ZAP70: variants seen among roughly 807,000 people sequenced by gnomAD.
The protein encoded by ZAP70 is zeta chain of T cell receptor associated protein kinase 70.
ZAP70 carries 27 observed loss-of-function variants against 65.8 expected under a neutral mutation model. That is an observed-to-expected ratio of 0.41 (90% CI 0.30 to 0.57). The LOEUF (loss-of-function observed/expected upper bound fraction) is 0.57, where lower values mean the gene tolerates loss of function less well. Ranked by LOEUF, ZAP70 falls within the 20% of genes least tolerant of loss-of-function variation. The pLI is 0.28. For synonymous variants in ZAP70, 363 were observed against 360.8 expected (o/e 1.01, Z -0.07); for missense variants, 696 against 870.5 (o/e 0.80, Z 2.52).
At chr2:97,717,943 A>T (rs1677003746) in intron 2 of ZAP70, among the ~76,000 whole-genome samples, 1 of 152,174 alleles carries the variant, frequency 6.6e-6, no homozygotes, top group African/African-American at 2.4e-5. Flanking sequence ...AGTGTGGGGC[A>T]GGTGCCCCGT....
chr2:97,724,860 C>A, intron 3 of ZAP70: 1 of 1,527,174 alleles, frequency 6.5e-7, no homozygotes, highest in South Asian at 1.2e-5. Flanking sequence ...ATTAGGTCTT[C>A]AAGCTGGAGA....
rs1280845497 is a variant in ZAP70 at position 97,736,974 on chromosome 2, G to A, written c.1290-499G>A. ...GCGGAGCTGACTATTCCTGCCTGGGGGTCCAGGTGAGTGATGCTGCGGCTG... is the reference window on the plus strand; with the variant it reads ...GCGGAGCTGACTATTCCTGCCTGGGAGTCCAGGTGAGTGATGCTGCGGCTG... On this transcript the variant is annotated intron_variant, in intron 10 of 13. Transcript: ENST00000264972. This position sits in a 1 kb window ranked among gnomAD's most constrained non-coding sequence, Gnocchi z 4.0. 6.6e-6 allele frequency among the ~76,000 whole-genome samples: 1 copy of A among 152,118 alleles called. No homozygotes were observed. Among genetic ancestry groups the A allele is most frequent in the East Asian group, 1.9e-4 (1 of 5,190 alleles).
chr2:97,725,589 A>G (rs1677355562), intron 4 of ZAP70, among the ~76,000 whole-genome samples: 2 of 152,212 alleles, frequency 1.3e-5, no homozygotes, highest in African/African-American at 4.8e-5. Context: ...CCTACTGTGT[A>G]CCAGGCACTG....
rs56326640 is a variant in ZAP70 at position 97,739,421 on chromosome 2, G to A, written c.1783G>A (p.Ala595Thr). ...CCTGACCGTGGAGCAGCGCATGCGA[G>A]CCTGTTACTACAGCCTGGCCAGCAA... ...DFLTVEQRMRACYYSLASKVE... is the reference protein window; with the variant it reads ...DFLTVEQRMRTCYYSLASKVE... The change falls in exon 14 of 14, where the codon GCC (alanine) becomes ACC (threonine). Residue 595 changes from alanine (A) to threonine (T), a missense_variant. Coordinates refer to ENST00000264972, the MANE Select transcript of ZAP70 (RefSeq NM_001079.4). 1 of 1,613,804 alleles carries A rather than the reference G, an allele frequency of 6.2e-7. No homozygotes were observed. Among genetic ancestry groups the A allele is most frequent in the Admixed American group, 1.7e-5 (1 of 60,030 alleles).
chr2:97,738,510 G>A, intron 13 of ZAP70: 1 of 296,036 alleles, frequency 3.4e-6, no homozygotes, highest in Non-Finnish European at 6.6e-6. Context: ...TACCAGACAG[G>A]TGAGCACTGA....
rs201296225 is a variant in ZAP70, at chr2:97,725,256, T to G, written c.563+4T>G. 52 of 1,612,082 alleles carry G rather than the reference T, an allele frequency of 3.2e-5. No individual in the cohort carries two copies. The highest frequency in any genetic ancestry group is 5.3e-5 in the African/African-American group (4 of 74,876). On this transcript the variant is annotated splice_donor_region_variant and intron_variant, in intron 4 of 13. Coordinates refer to ENST00000264972, the MANE Select transcript of ZAP70 (RefSeq NM_001079.4). ...CGCAGACCGACGGCAAGTTCCTGTA[T>G]GTGGGGCCCGGGATTTGGGTGCGGT...
rs747766986 is a variant in ZAP70, at chr2:97,738,105, C to T, written c.1734C>T (p.Tyr578=). 1.3e-6 allele frequency: 2 copies of T among 1,595,448 alleles called. No individual in the cohort carries two copies. The highest frequency in any genetic ancestry group is 1.3e-5 in the African/African-American group (1 of 74,758). Reference sequence around the variant, plus strand: ...CACTCATGAGTGACTGCTGGATCTACAAGTGAGTGCCAGTGGGGAGGGGAC... The same window carrying T: ...CACTCATGAGTGACTGCTGGATCTATAAGTGAGTGCCAGTGGGGAGGGGAC... The part of the protein sequence containing the change: ...LYALMSDCWI[Y]KWEDRPDFLT... The change falls in exon 13 of 14, where the codon TAC becomes TAT. Residue 578 remains tyrosine, a splice_region_variant and synonymous_variant. Transcript: ENST00000264972.
At chr2:97,735,194 G>A in intron 9 of ZAP70, 56 bp from the exon 10 acceptor site, 2 of 1,603,628 alleles carry the variant, frequency 1.2e-6, no homozygotes, top group East Asian at 2.2e-5. Context: ...GGGGGTGTGG[G>A]GCCGAGCAGG....
intron 13 of ZAP70, among the ~76,000 whole-genome samples, chr2:97,739,066 G>T (rs935516980): frequency 6.6e-6 from 1 of 152,144 alleles, no homozygotes; most frequent in African/African-American, 2.4e-5. Context: ...GGTCCCCGTG[G>T]TCAATAGTTG....
chr2:97,720,965 T>A (rs933251018), intron 2 of ZAP70, among the ~76,000 whole-genome samples: 1 of 152,222 alleles, frequency 6.6e-6, no homozygotes, highest in African/African-American at 2.4e-5. Context: ...GCATTCATTT[T>A]ACCCCTTGGT....
chr2:97,750,257 G>A, the ZAP70 span, among the ~76,000 whole-genome samples: 1 of 152,170 alleles, frequency 6.6e-6, no homozygotes, highest in Admixed American at 6.5e-5. Flanking sequence ...AAAGCAGCTG[G>A]GCTTGTTGCT....
At position 97,735,265 on chromosome 2, in the gene ZAP70, G is replaced by A. The variant is rs1489640767; in HGVS notation, c.1098G>A (p.Val366=). ...GGTCGGGCAGGAAGCAGATCGACGTGGCCATCAAGGTGCTGAAGCAGGGCA... is the reference window on the plus strand; with the variant it reads ...GGTCGGGCAGGAAGCAGATCGACGTAGCCATCAAGGTGCTGAAGCAGGGCA... ...VYRMRKKQID[V]AIKVLKQGTE... Residue 366 remains valine, a synonymous_variant, in exon 10 of 14, where the codon GTG becomes GTA. Coordinates refer to ENST00000264972, the MANE Select transcript of ZAP70 (RefSeq NM_001079.4). 1 of 1,613,970 alleles carries A rather than the reference G, an allele frequency of 6.2e-7. No homozygotes were observed. Among genetic ancestry groups the A allele is most frequent in the South Asian group, 1.1e-5 (1 of 91,092 alleles).
the ZAP70 span, among the ~76,000 whole-genome samples, chr2:97,747,815 GTTTTTTTTTTTT>G: frequency 2.7e-4 from 15 of 54,796 alleles, no homozygotes; most frequent in East Asian, 4.7e-3. Context: ...CTGGCACGAG[GTTTTTTTTTTTT>G]TTTTTTTTTT....
Position 97,733,032 on chromosome 2 carries a change from C to T in ZAP70, c.702+11C>T, listed in dbSNP as rs749089597. 29 of 1,613,956 alleles carry T rather than the reference C, an allele frequency of 1.8e-5. No individual in the cohort carries two copies. Among genetic ancestry groups the T allele is most frequent in the African/African-American group, 1.2e-4 (9 of 74,942 alleles). On this transcript the variant is annotated intron_variant, in intron 5 of 13. Coordinates refer to ENST00000264972, the MANE Select transcript of ZAP70 (RefSeq NM_001079.4). Reference sequence around the variant, plus strand: ...GACACGCTCTGGCAGGTAGGCTGCCCGTGCAACTTGTTCTGGGAGATGCCG... The same window carrying T: ...GACACGCTCTGGCAGGTAGGCTGCCTGTGCAACTTGTTCTGGGAGATGCCG...
chr2:97,742,297 G>C (rs1214931887), downstream of ZAP70, among the ~76,000 whole-genome samples: 1 of 152,214 alleles, frequency 6.6e-6, no homozygotes, highest in African/African-American at 2.4e-5. Context: ...TTTTAGATGG[G>C]AAAAATATCT....
In ZAP70 at chr2:97,739,769, A is replaced by C; in HGVS notation, c.*271A>C. On this transcript the variant is annotated 3_prime_UTR_variant, in exon 14 of 14. Transcript: ENST00000264972. ...GCCCTGAGCTGAGGGCATTGCTTAC[A>C]CGGATGCCTTCCCCTGGGCCCTGAC... 1 of 510,358 alleles carries C rather than the reference A, an allele frequency of 2.0e-6. No homozygotes were observed. The highest frequency in any genetic ancestry group is 3.5e-6 in the Non-Finnish European group (1 of 285,514). 31.6% of individuals were successfully genotyped at this position (510,358 alleles called of 1,614,324 possible). A position where few individuals can be genotyped will look rare whatever the true frequency, so the allele number is the denominator to read the frequency against.
At chr2:97,751,231 C>T in the ZAP70 span, among the ~76,000 whole-genome samples, 2 of 152,172 alleles carry the variant, frequency 1.3e-5, no homozygotes, top group Non-Finnish European at 1.5e-5. Context: ...ATTATAATAG[C>T]AATAAATTTC....
chr2:97,733,029 G>T lies in ZAP70; in HGVS notation c.702+8G>T. 8 of 1,614,104 alleles carry T rather than the reference G, an allele frequency of 5.0e-6. No homozygotes were observed. The highest frequency in any genetic ancestry group is 5.9e-6 in the Non-Finnish European group (7 of 1,180,040). On this transcript the variant is annotated splice_region_variant and intron_variant, in intron 5 of 13. Coordinates refer to ENST00000264972, the MANE Select transcript of ZAP70 (RefSeq NM_001079.4). The stretch of plus-strand genomic sequence containing the variant: ...TTTGACACGCTCTGGCAGGTAGGCT[G>T]CCCGTGCAACTTGTTCTGGGAGATG...
chr2:97,746,083 C>T, the ZAP70 span, among the ~76,000 whole-genome samples: 14 of 152,258 alleles, frequency 9.2e-5, no homozygotes, highest in South Asian at 8.3e-4. Flanking sequence ...GGACAAACAT[C>T]GTATGGTTCC....
Sources: allele counts gnomAD v4.1 joint callset (sites outside exome capture counted in the v4.1 genomes callset), GRCh38; gene constraint gnomAD v4.1.1; non-coding constraint Gnocchi (gnomAD v3.1); transcripts MANE v1.5; gene names NCBI Gene and HGNC (gene_info 2026-07-23, HGNC 2026-07-21).